AP2A2: variants seen among roughly 807,000 people sequenced by gnomAD.
AP2A2 encodes AP-2 complex subunit alpha-2.
Under a neutral mutation model 104.2 loss-of-function variants are expected in AP2A2, and 32 were observed. The observed-to-expected ratio is 0.31, with a 90% CI of 0.23 to 0.41. AP2A2 has a LOEUF of 0.41. Among genes scored for constraint, AP2A2 ranks in the 10% least tolerant of loss-of-function variants. The probability of loss-of-function intolerance (pLI) is 1.00; values close to 1 mark genes in which losing one functional copy is unlikely to be tolerated. For missense variants in AP2A2, 912 were observed against 1,261.0 expected (o/e 0.72, Z 4.19); for synonymous variants, 539 against 533.3 (o/e 1.01, Z -0.15).
rs1324980532 is a variant in AP2A2, at chr11:986,804, C to T, written c.982C>T (p.Arg328Cys). 5.0e-6 allele frequency: 8 copies of T among 1,613,336 alleles called. No homozygotes were observed. Among genetic ancestry groups the T allele is most frequent in the East Asian group, 2.2e-5 (1 of 44,876 alleles). Residue 328 changes from arginine to cysteine, a missense_variant, in exon 9 of 22, where the codon CGT becomes TGT. Transcript: ENST00000448903. Reference protein sequence around the residue: ...HHDSEPNLLVRACNQLGQFLQ... With the variant: ...HHDSEPNLLVCACNQLGQFLQ... Reference sequence around the variant, plus strand: ...ACACAGTGAGCCGAACCTGCTCGTCCGTGCCTGCAACCAGTTGGGCCAGTT... The same window carrying T: ...ACACAGTGAGCCGAACCTGCTCGTCTGTGCCTGCAACCAGTTGGGCCAGTT...
intron 14 of AP2A2, among the ~76,000 whole-genome samples, chr11:999,575 T>C (rs1434484097): frequency 6.6e-6 from 1 of 152,070 alleles, no homozygotes; most frequent in African/African-American, 2.4e-5. Flanking sequence ...GCAGTCTTTC[T>C]GTCTCAACCT....
intron 1 of AP2A2, among the ~76,000 whole-genome samples, chr11:939,030 G>T (rs1853558153): frequency 6.6e-6 from 1 of 151,846 alleles, no homozygotes; most frequent in Non-Finnish European, 1.5e-5. Flanking sequence ...GAGGCGGGTG[G>T]ATCACGAGGT....
Position 994,234 on chromosome 11 carries a change from A to ACCAGCG in AP2A2, c.1948_1953dup (p.Ser650_Ala651dup). 1 of 1,612,876 alleles carries ACCAGCG rather than the reference A, an allele frequency of 6.2e-7. No individual in the cohort carries two copies. Among genetic ancestry groups the ACCAGCG allele is most frequent in the Non-Finnish European group, 8.5e-7 (1 of 1,179,788 alleles). On this transcript the variant is annotated inframe_insertion, in exon 14 of 22. Coordinates refer to ENST00000448903, the MANE Select transcript of AP2A2 (RefSeq NM_012305.4). ...GGGTCCTGAGCCTGCCCCAGCCAGT[A>ACCAGCG]CCAGCGCCGTGGTGGGTCCCTCACC...
At position 1,000,415 on chromosome 11, in the gene AP2A2, C is replaced by T. The variant is rs1251603241; in HGVS notation, c.1957-17C>T. On this transcript the variant is annotated splice_polypyrimidine_tract_variant and intron_variant, in intron 14 of 21. Coordinates refer to ENST00000448903, the MANE Select transcript of AP2A2 (RefSeq NM_012305.4). ...CAGGGAGGCTCTCTGCTGATGCTCT[C>T]CTTCCTTCTCTTCCAGTCTACGCCT... 4 of 1,543,438 alleles carry T rather than the reference C, an allele frequency of 2.6e-6. No individual in the cohort carries two copies. The highest frequency in any genetic ancestry group is 1.4e-5 in the African/African-American group (1 of 73,138).
In AP2A2 at chr11:1,003,718, CT is replaced by C. The variant is rs1375869356; in HGVS notation, c.2124-3del. 1 of 1,596,622 alleles carries C rather than the reference CT, an allele frequency of 6.3e-7. No homozygotes were observed. The highest frequency in any genetic ancestry group is 1.1e-5 in the South Asian group (1 of 87,282). On this transcript the variant is annotated splice_region_variant and splice_polypyrimidine_tract_variant and intron_variant, in intron 15 of 21. Transcript: ENST00000448903. The stretch of plus-strand genomic sequence containing the variant: ...TGACACATATACTGTCCCTTTTCCC[CT>C]AGGTTTGTTTGTAAAAACAATGGTG...
Position 993,330 on chromosome 11 carries a change from G to A in AP2A2, c.1499G>A (p.Gly500Asp), listed in dbSNP as rs769028937. The change falls in exon 12 of 22, where the codon GGC becomes GAC. Residue 500 changes from glycine to aspartate, a missense_variant. Gly to Asp is a moderately conservative substitution (Grantham distance 94). This residue lies in a region of AP2A2 where 137 missense variants were observed against 186.9 expected (regional missense o/e 0.73). Transcript: ENST00000448903. The surrounding 1 kb of genome is among the most constrained non-coding windows in gnomAD (Gnocchi z 8.2). Reference sequence around the variant, plus strand: ...CACGAGAACCTGGTCAAAGTGGGCGGCTACATCCTGGGGGAGTTTGGAAAC... The same window carrying A: ...CACGAGAACCTGGTCAAAGTGGGCGACTACATCCTGGGGGAGTTTGGAAAC... Reference protein sequence around the residue: ...ACHENLVKVGGYILGEFGNLI... With the variant: ...ACHENLVKVGDYILGEFGNLI... 6.2e-7 allele frequency: 1 copy of A among 1,612,816 alleles called. No homozygotes were observed. Among genetic ancestry groups the A allele is most frequent in the Non-Finnish European group, 8.5e-7 (1 of 1,179,560 alleles).
chr11:936,540 C>A (rs919227098), intron 1 of AP2A2, among the ~76,000 whole-genome samples: 1 of 152,126 alleles, frequency 6.6e-6, no homozygotes, highest in Non-Finnish European at 1.5e-5. Flanking sequence ...ACCACAGCCA[C>A]ACCTGGCTAA....
chr11:953,618 G>GCTCCGTCTGCCTCCGTCTGC (rs55712745), intron 1 of AP2A2, among the ~76,000 whole-genome samples: 4 of 149,874 alleles, frequency 2.7e-5, no homozygotes, highest in South Asian at 2.1e-4. Flanking sequence ...CTCCGTCCTG[G>GCTCCGTCTGCCTCCGTCTGC]CTCCGTCTGC....
intron 1 of AP2A2, among the ~76,000 whole-genome samples, chr11:950,470 A>G (rs560786679): frequency 4.4e-4 from 67 of 152,180 alleles, no homozygotes; most frequent in African/African-American, 1.6e-3. Flanking sequence ...CACCATGCCC[A>G]GCTAATTTTT....
At chr11:928,084 A>C (rs1229456424) in intron 1 of AP2A2, among the ~76,000 whole-genome samples, 1 of 152,176 alleles carries the variant, frequency 6.6e-6, no homozygotes, top group Non-Finnish European at 1.5e-5. Flanking sequence ...CAAGTCACCC[A>C]CTTGTCAGAT....
chr11:1,000,931 T>C (rs1054461611), intron 15 of AP2A2, among the ~76,000 whole-genome samples: 6 of 152,100 alleles, frequency 3.9e-5, no homozygotes, highest in Non-Finnish European at 7.3e-5. Flanking sequence ...AAACACTCTT[T>C]GTAGCTACAC....
intron 1 of AP2A2, among the ~76,000 whole-genome samples, chr11:932,986 T>C (rs1376840076): frequency 1.3e-5 from 2 of 152,170 alleles, no homozygotes; most frequent in Non-Finnish European, 2.9e-5. Flanking sequence ...AAAAATCAAA[T>C]ACGCCGGGCG....
chr11:1,007,783 C>T (rs1856259579), intron 17 of AP2A2: 8 of 615,154 alleles, frequency 1.3e-5, no homozygotes, highest in African/African-American at 1.1e-4. Context: ...ATCTAAGTGA[C>T]TTTTTAAAAT....
chr11:954,597 A>G (rs1310476214), intron 1 of AP2A2, among the ~76,000 whole-genome samples: 4 of 151,594 alleles, frequency 2.6e-5, no homozygotes, highest in South Asian at 4.2e-4. Flanking sequence ...TGGCGTGTAC[A>G]TTTGTGTATT....
intron 1 of AP2A2, among the ~76,000 whole-genome samples, chr11:937,209 G>A (rs1046917078): frequency 1.3e-4 from 20 of 152,004 alleles, no homozygotes; most frequent in Admixed American, 2.6e-4. Flanking sequence ...GAGTAGAGAC[G>A]GGGTTTCACT....
chr11:999,268 A>G (rs1183562635), intron 14 of AP2A2, among the ~76,000 whole-genome samples: 1 of 152,124 alleles, frequency 6.6e-6, no homozygotes, highest in Admixed American at 6.5e-5. Context: ...GCGGTGGCTC[A>G]TGGGAGGCCG....
At chr11:984,412 T>C (rs1224989321) in intron 6 of AP2A2, among the ~76,000 whole-genome samples, 2 of 152,130 alleles carry the variant, frequency 1.3e-5, no homozygotes, top group East Asian at 1.9e-4. Flanking sequence ...TATGGTGTCT[T>C]GTACCGAGCG....
intron 1 of AP2A2, among the ~76,000 whole-genome samples, chr11:935,900 CTTTT>C (rs745486621): frequency 8.4e-6 from 1 of 119,448 alleles, no homozygotes; most frequent in Non-Finnish European, 1.8e-5. Flanking sequence ...CGGCCTATTC[CTTTT>C]TTTTTTTTTT....
chr11:963,133 GA>G (rs200746644), intron 2 of AP2A2, among the ~76,000 whole-genome samples: 8 of 150,822 alleles, frequency 5.3e-5, no homozygotes, highest in Admixed American at 3.3e-4. Flanking sequence ...GTAATCAATT[GA>G]AAAAAAAACT....
Sources: allele counts gnomAD v4.1 joint callset (sites outside exome capture counted in the v4.1 genomes callset), GRCh38; gene constraint gnomAD v4.1.1; regional missense constraint gnomAD v4.1.1; non-coding constraint Gnocchi (gnomAD v3.1); transcripts MANE v1.5; gene names NCBI Gene and HGNC (gene_info 2026-07-23, HGNC 2026-07-21).